Variants in FNDC3B observed in about 807,000 individuals in gnomAD.
The protein encoded by FNDC3B is fibronectin type III domain containing 3B.
A neutral mutation model predicts 151.5 loss-of-function variants in FNDC3B; 12 were observed. That is an observed-to-expected ratio of 0.08 (90% CI 0.05 to 0.13). The LOEUF (loss-of-function observed/expected upper bound fraction) is 0.13, where lower values mean the gene tolerates loss of function less well. Ranked by LOEUF, FNDC3B falls within the 10% of genes least tolerant of loss-of-function variation. FNDC3B has a pLI of 1.00. For missense variants in FNDC3B, 1,214 were observed against 1,505.3 expected (o/e 0.81, Z 3.20); for synonymous variants, 528 against 549.0 (o/e 0.96, Z 0.54).
rs1430677346 is a variant in FNDC3B, at chr3:172,352,541, G to A, written c.2515-262G>A. Among the ~76,000 whole-genome samples the A allele has an allele frequency of 6.6e-6, 1 of 152,062 alleles. No individual in the cohort carries two copies. The highest frequency in any genetic ancestry group is 1.9e-4 in the East Asian group (1 of 5,190). ...TAAGATGATGTATAAACTGAAATAG[G>A]TCATGCAAATATAAAATATTATTTT... On this transcript the variant is annotated intron_variant, in intron 21 of 25. Coordinates refer to ENST00000415807, the MANE Select transcript of FNDC3B (RefSeq NM_022763.4). The surrounding 1 kb of genome is among the most constrained non-coding windows in gnomAD (Gnocchi z 4.2).
chr3:172,045,834 G>T (rs1292969521), intron 1 of FNDC3B, among the ~76,000 whole-genome samples: 1 of 150,908 alleles, frequency 6.6e-6, no homozygotes, highest in Non-Finnish European at 1.5e-5. Flanking sequence ...TATATATTAT[G>T]GTTATGGCAT....
chr3:172,082,617 C>T (rs189922087), intron 1 of FNDC3B, among the ~76,000 whole-genome samples: 3 of 152,288 alleles, frequency 2.0e-5, no homozygotes, highest in African/African-American at 4.8e-5. Flanking sequence ...ATGTTCCACC[C>T]ATGTATAGGC....
At chr3:172,114,639 T>C (rs1306997714) in intron 2 of FNDC3B, among the ~76,000 whole-genome samples, 1 of 152,206 alleles carries the variant, frequency 6.6e-6, no homozygotes, top group Non-Finnish European at 1.5e-5. Flanking sequence ...TAATCCTAGC[T>C]ACTCAGGAGG....
chr3:172,289,840 G>C (rs141652847), intron 7 of FNDC3B, among the ~76,000 whole-genome samples: 1 of 152,302 alleles, frequency 6.6e-6, no homozygotes, highest in African/African-American at 2.4e-5. Context: ...ACTTGCATTG[G>C]CTGTTACCTG....
intron 3 of FNDC3B, among the ~76,000 whole-genome samples, chr3:172,201,019 G>C (rs552373506): frequency 6.8e-4 from 104 of 152,308 alleles, no homozygotes; most frequent in Admixed American, 6.1e-3. Flanking sequence ...GAAAGCTAGA[G>C]TTTGAATAAC....
intron 2 of FNDC3B, among the ~76,000 whole-genome samples, chr3:172,113,323 C>A (rs1019201182): frequency 3.3e-5 from 5 of 152,144 alleles, no homozygotes; most frequent in African/African-American, 9.7e-5. Context: ...GAATTGGGAG[C>A]AATTGCTTGG....
intron 3 of FNDC3B, among the ~76,000 whole-genome samples, chr3:172,217,229 T>C (rs542630066): frequency 4.9e-4 from 75 of 152,340 alleles, no homozygotes; most frequent in African/African-American, 1.7e-3. Flanking sequence ...AAACTGGAGT[T>C]GAAGGTTATA....
chr3:172,163,374 A>G (rs1722870156), intron 3 of FNDC3B, among the ~76,000 whole-genome samples: 2 of 152,250 alleles, frequency 1.3e-5, no homozygotes, highest in Non-Finnish European at 2.9e-5. Flanking sequence ...AATAATGAAC[A>G]TGACTGAAAA....
rs537811707 is a variant in FNDC3B, at chr3:172,127,391, C to T, written c.112-6080C>T. ...TGGTGGTGTGGACTAGACGAGTATACATTTTGGTCAGACATGGCTGGATTC... is the reference window on the plus strand; with the variant it reads ...TGGTGGTGTGGACTAGACGAGTATATATTTTGGTCAGACATGGCTGGATTC... On this transcript the variant is annotated intron_variant, in intron 2 of 25. Transcript: ENST00000415807. Among the ~76,000 whole-genome samples the T allele has an allele frequency of 2.0e-5, 3 of 152,322 alleles. No homozygotes were observed. The South Asian group carries it at 6.2e-4, about 32-fold the overall frequency.
intron 4 of FNDC3B, among the ~76,000 whole-genome samples, chr3:172,245,163 AT>A (rs910178090): frequency 1.2e-3 from 176 of 151,852 alleles, no homozygotes; most frequent in South Asian, 3.1e-3. Context: ...CTTTTTGATA[AT>A]TTTTTTTTAA....
intron 3 of FNDC3B, among the ~76,000 whole-genome samples, chr3:172,167,093 A>G (rs947137088): frequency 1.2e-4 from 18 of 152,050 alleles, no homozygotes; most frequent in African/African-American, 4.3e-4. Flanking sequence ...CGTTGTTTGT[A>G]CTCTAGAATA....
intron 2 of FNDC3B, among the ~76,000 whole-genome samples, chr3:172,116,479 CTG>C (rs1219465140): frequency 2.6e-5 from 4 of 152,166 alleles, no homozygotes; most frequent in African/African-American, 7.2e-5. Context: ...TTTTCTGTCT[CTG>C]TAGGTAGATA....
At position 172,050,681 on chromosome 3, in the gene FNDC3B, G is replaced by A. The variant is rs1716597139; in HGVS notation, c.-29+10910G>A. ...TTACAGGCATGAGCCACCACGCCCAGCCTTTGTGGGTATATTTTCGTGTGT... is the reference window on the plus strand; with the variant it reads ...TTACAGGCATGAGCCACCACGCCCAACCTTTGTGGGTATATTTTCGTGTGT... On this transcript the variant is annotated intron_variant, in intron 1 of 25. Transcript: ENST00000415807. Among the ~76,000 whole-genome samples the A allele has an allele frequency of 2.7e-5, 4 of 150,180 alleles. No individual in the cohort carries two copies. In the South Asian group the frequency reaches 8.5e-4, roughly 32 times the overall value.
intron 6 of FNDC3B, among the ~76,000 whole-genome samples, chr3:172,285,189 C>T (rs929842723): frequency 6.6e-6 from 1 of 152,140 alleles, no homozygotes; most frequent in Non-Finnish European, 1.5e-5. Context: ...CGTTTCCTCA[C>T]CCTTACCCAT....
At chr3:172,168,024 T>C (rs1723095133) in intron 3 of FNDC3B, among the ~76,000 whole-genome samples, 1 of 152,244 alleles carries the variant, frequency 6.6e-6, no homozygotes, top group Non-Finnish European at 1.5e-5. Context: ...GGTGTTTACC[T>C]GGCAGCTGTT....
At chr3:172,227,479 G>C (rs968939037) in intron 4 of FNDC3B, among the ~76,000 whole-genome samples, 1 of 152,144 alleles carries the variant, frequency 6.6e-6, no homozygotes, top group Non-Finnish European at 1.5e-5. Context: ...GTAAAATGAT[G>C]GTAATAGCAA....
Position 172,352,976 on chromosome 3 carries a change from C to T in FNDC3B, c.2688C>T (p.Asn896=), listed in dbSNP as rs564680945. Residue 896 remains asparagine, a synonymous_variant, in exon 22 of 26, where the codon AAC becomes AAT. Transcript: ENST00000415807. The surrounding 1 kb of genome is among the most constrained non-coding windows in gnomAD (Gnocchi z 4.2). ...LVLNWEEPCN[N]GSEILAYTID... The stretch of plus-strand genomic sequence containing the variant: ...TGAACTGGGAAGAGCCGTGCAATAA[C>T]GGATCTGAAATCCTTGCTTACACCA... 3.4e-5 allele frequency: 55 copies of T among 1,614,196 alleles called. 1 individual carries two copies. Among genetic ancestry groups the T allele is most frequent in the South Asian group, 8.8e-5 (8 of 91,086 alleles).
chr3:172,374,304 T>G (rs1735019897), intron 23 of FNDC3B, among the ~76,000 whole-genome samples: 1 of 152,248 alleles, frequency 6.6e-6, no homozygotes, highest in African/African-American at 2.4e-5. Flanking sequence ...TTTCTAAAAA[T>G]TCTGTCTTCA....
intron 3 of FNDC3B, among the ~76,000 whole-genome samples, chr3:172,181,395 C>CAAAAAAAAAAA (rs755223783): frequency 6.2e-4 from 44 of 71,342 alleles, no homozygotes; most frequent in African/African-American, 7.5e-4. Flanking sequence ...ACTCTGTCTC[C>CAAAAAAAAAAA]AAAAAAAAAA....
Sources: gnomAD v4.1 joint callset for allele counts (sites outside exome capture counted in the v4.1 genomes callset) on GRCh38, gnomAD v4.1.1 for gene constraint, Gnocchi (gnomAD v3.1) non-coding constraint, MANE v1.5 for transcripts, NCBI Gene and HGNC (gene_info 2026-07-23, HGNC 2026-07-21) for gene names.